STARD3NL: variants seen among roughly 807,000 people sequenced by gnomAD.
STARD3NL encodes the protein STARD3 N-terminal-like protein.
In STARD3NL, 17 loss-of-function variants were observed where a neutral mutation model predicts 30.9. The observed-to-expected ratio is 0.55, with a 90% confidence interval of 0.38 to 0.82. The LOEUF (loss-of-function observed/expected upper bound fraction) is 0.82, where lower values mean the gene tolerates loss of function less well. Ranked by LOEUF, STARD3NL falls within the 40% of genes least tolerant of loss-of-function variation. The pLI is 0.00. For synonymous variants in STARD3NL, 112 were observed against 100.5 expected (o/e 1.11, Z -0.69); for missense variants, 234 against 277.6 (o/e 0.84, Z 1.12).
intron 7 of STARD3NL, among the ~76,000 whole-genome samples, chr7:38,226,845 T>A (rs1194010322): frequency 6.6e-6 from 1 of 152,210 alleles, no homozygotes; most frequent in Non-Finnish European, 1.5e-5. Flanking sequence ...GTAGCTTTAC[T>A]GCCAGTCCCC....
chr7:38,199,238 C>T (rs1275531297), intron 1 of STARD3NL, among the ~76,000 whole-genome samples: 1 of 152,114 alleles, frequency 6.6e-6, no homozygotes, highest in African/African-American at 2.4e-5. Flanking sequence ...AGAGGTATGG[C>T]TTTCCTTAAG....
chr7:38,202,516 G>A (rs147276060), intron 1 of STARD3NL, among the ~76,000 whole-genome samples: 3 of 152,010 alleles, frequency 2.0e-5, no homozygotes, highest in Admixed American at 6.6e-5. Flanking sequence ...TCATTAGTCC[G>A]AGAGAATCAT....
intron 8 of STARD3NL, among the ~76,000 whole-genome samples, chr7:38,229,688 C>T (rs778966961): frequency 4.3e-4 from 65 of 152,272 alleles, no homozygotes; most frequent in South Asian, 8.3e-4. Flanking sequence ...ACACCTCAGC[C>T]GCATCTCTCC....
intron 1 of STARD3NL, among the ~76,000 whole-genome samples, chr7:38,197,992 C>T (rs1047894579): frequency 3.9e-5 from 6 of 152,186 alleles, no homozygotes; most frequent in East Asian, 1.9e-4. Context: ...CAGGCTGCTT[C>T]CTGCTTCCAG....
At chr7:38,220,139 C>T (rs1355938990) in intron 7 of STARD3NL, among the ~76,000 whole-genome samples, 1 of 152,186 alleles carries the variant, frequency 6.6e-6, no homozygotes, top group Non-Finnish European at 1.5e-5. Context: ...CATTCAAATC[C>T]TGCCACTTCT....
chr7:38,213,672 G>A (rs992167246), intron 2 of STARD3NL, among the ~76,000 whole-genome samples: 3 of 152,126 alleles, frequency 2.0e-5, no homozygotes, highest in Admixed American at 2.0e-4. Context: ...TTTTTTAAAA[G>A]TATTATGCTC....
At chr7:38,206,344 T>A (rs1785482166) in intron 1 of STARD3NL, among the ~76,000 whole-genome samples, 1 of 152,200 alleles carries the variant, frequency 6.6e-6, no homozygotes, top group African/African-American at 2.4e-5. Context: ...ACATGCCACG[T>A]TCATGGCTAA....
intron 7 of STARD3NL, among the ~76,000 whole-genome samples, chr7:38,227,132 A>T (rs930586097): frequency 6.6e-6 from 1 of 152,186 alleles, no homozygotes; most frequent in Non-Finnish European, 1.5e-5. Context: ...TCTCTTTTAA[A>T]ATATGTAAAG....
At chr7:38,204,323 G>A (rs1354100204) in intron 1 of STARD3NL, among the ~76,000 whole-genome samples, 1 of 152,114 alleles carries the variant, frequency 6.6e-6, no homozygotes, top group African/African-American at 2.4e-5. Context: ...AACTCAGGAT[G>A]AAGAAACTCA....
intron 1 of STARD3NL, among the ~76,000 whole-genome samples, chr7:38,190,908 G>C (rs1307830904): frequency 6.6e-6 from 1 of 151,982 alleles, no homozygotes; most frequent in African/African-American, 2.4e-5. Context: ...TTCTGGCAAG[G>C]ATTTATCACA....
chr7:38,188,269 G>T (rs370423543), intron 1 of STARD3NL, among the ~76,000 whole-genome samples: 1 of 152,054 alleles, frequency 6.6e-6, no homozygotes, highest in Non-Finnish European at 1.5e-5. Context: ...CTGCAGCTTC[G>T]CTGGCCACCT....
chr7:38,188,776 C>T (rs1784564929), intron 1 of STARD3NL, among the ~76,000 whole-genome samples: 1 of 152,138 alleles, frequency 6.6e-6, no homozygotes, highest in African/African-American at 2.4e-5. Flanking sequence ...TAATATTTAT[C>T]TCTGCATTAC....
At chr7:38,207,912 T>C (rs1481475857) in intron 2 of STARD3NL, among the ~76,000 whole-genome samples, 183 bp downstream of exon 2, 1 of 152,230 alleles carries the variant, frequency 6.6e-6, no homozygotes, top group Non-Finnish European at 1.5e-5. Context: ...TTAAGGCAAA[T>C]GTGATCAGTT....
chr7:38,197,762 C>A (rs371081643), intron 1 of STARD3NL, among the ~76,000 whole-genome samples: 1 of 152,178 alleles, frequency 6.6e-6, no homozygotes, highest in African/African-American at 2.4e-5. Context: ...TTCCTTCCCA[C>A]ATCTCTCTTC....
At chr7:38,188,074 ACTT>A (rs1207133827) in intron 1 of STARD3NL, among the ~76,000 whole-genome samples, 1 of 152,160 alleles carries the variant, frequency 6.6e-6, no homozygotes. Context: ...TGGTTTCCCC[ACTT>A]CTTTGCTTCT....
intron 1 of STARD3NL, among the ~76,000 whole-genome samples, chr7:38,184,449 C>G (rs1784372277): frequency 6.6e-6 from 1 of 151,448 alleles, no homozygotes; most frequent in African/African-American, 2.4e-5. Context: ...AGGAGGCTTA[C>G]AGTCATGGCA....
chr7:38,215,598 A>G (rs1786061138), intron 4 of STARD3NL: 1 of 154,538 alleles, frequency 6.5e-6, no homozygotes, highest in Admixed American at 6.5e-5. Flanking sequence ...AAGGACAAGG[A>G]CTTTTTTACT....
At chr7:38,220,566 T>A (rs1342207183) in intron 7 of STARD3NL, among the ~76,000 whole-genome samples, 1 of 152,192 alleles carries the variant, frequency 6.6e-6, no homozygotes, top group African/African-American at 2.4e-5. Flanking sequence ...ATAGCCCCAG[T>A]AGAAAACAGT....
chr7:38,195,863 A>G (rs1784878416), intron 1 of STARD3NL, among the ~76,000 whole-genome samples: 1 of 152,232 alleles, frequency 6.6e-6, no homozygotes, highest in Non-Finnish European at 1.5e-5. Context: ...AATGTAGGTC[A>G]TTAGAAATAT....
Sources: gnomAD v4.1 joint callset for allele counts (sites outside exome capture counted in the v4.1 genomes callset) on GRCh38, gnomAD v4.1.1 for gene constraint, MANE v1.5 for transcripts, NCBI Gene and HGNC (gene_info 2026-07-23, HGNC 2026-07-21) for gene names.